The following SLCO6A1 variants were observed in gnomAD, a reference collection of about 807,000 sequenced individuals.
SLCO6A1 encodes solute carrier organic anion transporter family member 6A1.
SLCO6A1 carries 65 observed loss-of-function variants against 72.7 expected under a neutral mutation model. That is an observed-to-expected ratio of 0.89 (90% CI 0.73 to 1.10). The LOEUF (loss-of-function observed/expected upper bound fraction) is 1.10, where lower values mean the gene tolerates loss of function less well. SLCO6A1 is among the 50% of genes least tolerant of loss of function. The pLI is 0.00. For synonymous variants in SLCO6A1, 314 were observed against 298.2 expected (o/e 1.05, Z -0.55); for missense variants, 874 against 872.6 (o/e 1.00, Z -0.02).
At chr5:102,447,214 C>A (rs1048515719) in intron 6 of SLCO6A1, among the ~76,000 whole-genome samples, 3 of 152,264 alleles carry the variant, frequency 2.0e-5, no homozygotes, top group African/African-American at 2.4e-5. Context: ...GAAATAAAAG[C>A]CTACTCAATT....
chr5:102,466,273 G>T (rs111264972), intron 4 of SLCO6A1, among the ~76,000 whole-genome samples: 1 of 151,774 alleles, frequency 6.6e-6, no homozygotes, highest in Admixed American at 6.6e-5. Flanking sequence ...GAAAATATAC[G>T]GTATTTGGTT....
rs1225732391 is a variant in SLCO6A1 at position 102,458,364 on chromosome 5, TA to T, written c.1131+17del. 1 of 1,556,346 alleles carries T rather than the reference TA, an allele frequency of 6.4e-7. No homozygotes were observed. Among genetic ancestry groups the T allele is most frequent in the East Asian group, 2.2e-5 (1 of 44,474 alleles). Reference sequence around the variant, plus strand: ...GGTCAACTTAGTTGGATTGTTCAAGTAAAATATTTTACTTTACCCAAAGAGC... The same window carrying T: ...GGTCAACTTAGTTGGATTGTTCAAGTAAATATTTTACTTTACCCAAAGAGC... On this transcript the variant is annotated intron_variant, in intron 6 of 13. Transcript: ENST00000506729.
At chr5:102,414,119 A>G (rs1425869278) in intron 8 of SLCO6A1, among the ~76,000 whole-genome samples, 1 of 152,080 alleles carries the variant, frequency 6.6e-6, no homozygotes, top group Non-Finnish European at 1.5e-5. Flanking sequence ...TTTCTGGATT[A>G]TGTGTTTGGT....
At position 102,480,834 on chromosome 5, in the gene SLCO6A1, T is replaced by TG. The variant is rs577063187; in HGVS notation, c.359-401dup. ...CATTATCAAAATAGTTAAAGCCCAA[T>TG]GCATATTTCCCAAACTCGTTTGTCT... On this transcript the variant is annotated intron_variant, in intron 1 of 13. Coordinates refer to ENST00000506729, the MANE Select transcript of SLCO6A1 (RefSeq NM_173488.5). Among the ~76,000 whole-genome samples the TG allele has an allele frequency of 2.1e-3, 318 of 152,284 alleles. 3 individuals carry two copies. The highest frequency in any genetic ancestry group is 7.3e-3 in the African/African-American group (302 of 41,560).
intron 7 of SLCO6A1, among the ~76,000 whole-genome samples, chr5:102,420,897 G>A (rs1265679042): frequency 6.6e-6 from 1 of 152,050 alleles, no homozygotes; most frequent in Admixed American, 6.6e-5. Flanking sequence ...GAGTGATTTC[G>A]GCATTTCCAA....
chr5:102,474,519 T>C (rs1054829709), intron 4 of SLCO6A1, among the ~76,000 whole-genome samples: 1 of 152,002 alleles, frequency 6.6e-6, no homozygotes, highest in African/African-American at 2.4e-5. Flanking sequence ...GATTTGACAA[T>C]TATTTTTTGG....
chr5:102,400,239 C>T (rs1476278863), intron 9 of SLCO6A1, among the ~76,000 whole-genome samples: 1 of 151,742 alleles, frequency 6.6e-6, no homozygotes, highest in African/African-American at 2.4e-5. Context: ...GAATCTGTAA[C>T]ATATTCAGAA....
In SLCO6A1 at chr5:102,383,094, G is replaced by GTGTGTGT; in HGVS notation, c.2017+5593_2017+5594insACACACA. Among the ~76,000 whole-genome samples, 1,205 of 140,786 alleles carry GTGTGTGT rather than the reference G, an allele frequency of 8.6e-3. 32 individuals are homozygous for GTGTGTGT. The highest frequency in any genetic ancestry group is 0.028 in the African/African-American group (1,055 of 37,542). The allele number at this position is 140,786 out of a possible 152,430, so 92.4% of individuals were successfully genotyped here. On this transcript the variant is annotated intron_variant, in intron 12 of 13. Transcript: ENST00000506729. ...ATATATAGTGTATGTATATGTGTGT[G>GTGTGTGT]AATATATATATATATAGTGTTTTAT... is the stretch of plus-strand genomic sequence containing the variant.
intron 4 of SLCO6A1, among the ~76,000 whole-genome samples, chr5:102,463,891 A>T (rs529344762): frequency 1.1e-5 from 1 of 89,682 alleles, no homozygotes. Flanking sequence ...CGTCTCAAAA[A>T]AGAAGAAAAA....
intron 4 of SLCO6A1, among the ~76,000 whole-genome samples, chr5:102,474,995 C>T (rs577474219): frequency 1.3e-5 from 2 of 151,890 alleles, no homozygotes; most frequent in South Asian, 4.2e-4. Context: ...TAAAATGGTG[C>T]AGTCGTTATA....
At chr5:102,460,066 T>A (rs1259401701) in intron 4 of SLCO6A1, among the ~76,000 whole-genome samples, 1 of 142,052 alleles carries the variant, frequency 7.0e-6, no homozygotes, top group Non-Finnish European at 1.6e-5. Context: ...TCTTCCTATT[T>A]AACTTTTTTT....
intron 10 of SLCO6A1, among the ~76,000 whole-genome samples, chr5:102,391,561 C>G (rs938778452): frequency 4.0e-5 from 6 of 151,768 alleles, no homozygotes; most frequent in African/African-American, 1.4e-4. Context: ...TTCAAAGGTT[C>G]CCTCCCAGCA....
chr5:102,388,723 T>C lies in SLCO6A1; in HGVS notation c.1982A>G (p.Asn661Ser). 6.3e-7 allele frequency: 1 copy of C among 1,599,448 alleles called. No individual in the cohort carries two copies. Among genetic ancestry groups the C allele is most frequent in the South Asian group, 1.1e-5 (1 of 87,822 alleles). ...CAATAAGAAAGCCATTTTTGTCTTG[T>C]TATATATCCAACAACGTCCTGTGTG... Reference protein sequence around the residue: ...CGHTGRCWIYNKTKMAFLLVG... With the variant: ...CGHTGRCWIYSKTKMAFLLVG... Residue 661 changes from asparagine to serine, a missense_variant, in exon 12 of 14, where the codon AAC (asparagine) becomes AGC (serine). By Grantham distance (46) the Asn-to-Ser change is conservative. Transcript: ENST00000506729.
At chr5:102,489,934 T>G (rs1361415480) in intron 1 of SLCO6A1, among the ~76,000 whole-genome samples, 1 of 152,192 alleles carries the variant, frequency 6.6e-6, no homozygotes, top group Non-Finnish European at 1.5e-5. Flanking sequence ...TAAAATCCTG[T>G]TTTTTACTAC....
At position 102,498,591 on chromosome 5, in the gene SLCO6A1, A is replaced by G; in HGVS notation, c.254T>C (p.Leu85Ser). The G allele has an allele frequency of 6.2e-7, 1 of 1,614,210 alleles. No individual in the cohort carries two copies. The highest frequency in any genetic ancestry group is 8.5e-7 in the Non-Finnish European group (1 of 1,180,032). Residue 85 changes from leucine (L) to serine (S), a missense_variant, in exon 1 of 14, where the codon TTG becomes TCG. Leu to Ser is a moderately radical substitution (Grantham distance 145, BLOSUM62 -2). Transcript: ENST00000506729. ...SKKPGEVDDS[L>S]EQPCGLGCLV... The stretch of plus-strand genomic sequence containing the variant: ...GCAGCCCAAACCACAGGGCTGCTCC[A>G]AACTGTCATCCACTTCTCCCGGCTT...
intron 6 of SLCO6A1, among the ~76,000 whole-genome samples, chr5:102,455,647 T>C (rs1355341959): frequency 6.6e-6 from 1 of 152,170 alleles, no homozygotes; most frequent in African/African-American, 2.4e-5. Context: ...TATTGATACA[T>C]GCATGTCATC....
intron 6 of SLCO6A1, among the ~76,000 whole-genome samples, chr5:102,439,563 G>A (rs1376910): frequency 0.64 from 97,008 of 151,836 alleles, 31,184 homozygotes; most frequent in African/African-American, 0.66. Context: ...AGTGCTATCT[G>A]ATTTTACATA....
At chr5:102,389,372 A>G (rs1746601625) in intron 11 of SLCO6A1, among the ~76,000 whole-genome samples, 1 of 151,004 alleles carries the variant, frequency 6.6e-6, no homozygotes, top group Non-Finnish European at 1.5e-5. Context: ...AAACCTCTAC[A>G]TAGTCTCAGA....
chr5:102,449,168 T>G (rs1437181206), intron 6 of SLCO6A1, among the ~76,000 whole-genome samples: 1 of 152,208 alleles, frequency 6.6e-6, no homozygotes, highest in Non-Finnish European at 1.5e-5. Context: ...ATTTCTTTTC[T>G]TTAAAATTCC....
Sources: gnomAD v4.1 joint callset for allele counts (sites outside exome capture counted in the v4.1 genomes callset) on GRCh38, gnomAD v4.1.1 for gene constraint, MANE v1.5 for transcripts, NCBI Gene and HGNC (gene_info 2026-07-23, HGNC 2026-07-21) for gene names.